ESRRG: variants seen among roughly 807,000 people sequenced by gnomAD.
ESRRG encodes estrogen-related receptor gamma.
In ESRRG, 13 loss-of-function variants were observed where a neutral mutation model predicts 44.0. The ratio of observed to expected loss-of-function variants is 0.30; its 90% confidence interval spans 0.19 to 0.47. ESRRG has a LOEUF of 0.47. ESRRG is among the 20% of genes least tolerant of loss of function. ESRRG has a pLI of 1.00. For synonymous variants in ESRRG, 215 were observed against 214.6 expected (o/e 1.00, Z -0.02); for missense variants, 395 against 580.6 (o/e 0.68, Z 3.29).
At chr1:216,929,463 C>T (rs1229081192) in intron 2 of ESRRG, among the ~76,000 whole-genome samples, 1 of 152,136 alleles carries the variant, frequency 6.6e-6, no homozygotes. Context: ...ATAATGAAGA[C>T]TTCACCCAGT....
At chr1:216,595,102 G>A (rs1049506512) in intron 3 of ESRRG, among the ~76,000 whole-genome samples, 5 of 152,168 alleles carry the variant, frequency 3.3e-5, no homozygotes, top group African/African-American at 1.2e-4. Context: ...TATGAAAGAG[G>A]ACAGGGACTT....
intron 1 of ESRRG, among the ~76,000 whole-genome samples, chr1:217,034,599 G>A (rs2082565555): frequency 6.6e-6 from 1 of 152,074 alleles, no homozygotes; most frequent in Non-Finnish European, 1.5e-5. Flanking sequence ...AAACCACTAG[G>A]GCAATCACTG....
intron 1 of ESRRG, among the ~76,000 whole-genome samples, chr1:217,022,592 G>T (rs1341966370): frequency 6.6e-6 from 1 of 152,164 alleles, no homozygotes; most frequent in Non-Finnish European, 1.5e-5. Flanking sequence ...CTGGAAGGCT[G>T]CAGCAACAGC....
At chr1:216,832,271 A>G (rs2095499114) in intron 2 of ESRRG, among the ~76,000 whole-genome samples, 1 of 152,224 alleles carries the variant, frequency 6.6e-6, no homozygotes. Context: ...CATTAGATGG[A>G]CAAAAGGACA....
chr1:217,134,179 G>T (rs998917723), intron 1 of ESRRG, among the ~76,000 whole-genome samples: 4 of 152,108 alleles, frequency 2.6e-5, no homozygotes, highest in Non-Finnish European at 5.9e-5. Flanking sequence ...AACAGACCGC[G>T]CTCCAGCCCC....
At chr1:217,077,415 A>G (rs1001262163) in intron 1 of ESRRG, among the ~76,000 whole-genome samples, 2 of 152,210 alleles carry the variant, frequency 1.3e-5, no homozygotes, top group African/African-American at 2.4e-5. Flanking sequence ...TAGAGTGTTC[A>G]GTCTGTGGTC....
intron 2 of ESRRG, among the ~76,000 whole-genome samples, chr1:216,878,252 A>G (rs1037944002): frequency 6.6e-6 from 1 of 152,102 alleles, no homozygotes; most frequent in African/African-American, 2.4e-5. Flanking sequence ...TACTTTGCCT[A>G]CCTTTTAAAC....
chr1:216,973,327 A>G (rs1484881487), intron 1 of ESRRG, among the ~76,000 whole-genome samples: 1 of 152,120 alleles, frequency 6.6e-6, no homozygotes, highest in Non-Finnish European at 1.5e-5. Flanking sequence ...TCCATGAGGA[A>G]CTTCAGCCCA....
In ESRRG at chr1:216,904,210, C is replaced by CA. The variant is rs567114297; in HGVS notation, c.-14+35371_-14+35372insT. Among the ~76,000 whole-genome samples the CA allele has an allele frequency of 1.6e-3, 241 of 151,704 alleles. 2 individuals are homozygous for CA. The highest frequency in any genetic ancestry group is 5.5e-3 in the African/African-American group (229 of 41,386). ...TACTGCAGCTGCAATCATCACCCCC[C>CA]CCAACTGATAATTAGTGAGTTAATA... On this transcript the variant is annotated intron_variant, in intron 2 of 7. Transcript: ENST00000359162.
chr1:216,800,591 C>T (rs988676612), intron 2 of ESRRG, among the ~76,000 whole-genome samples: 1 of 152,164 alleles, frequency 6.6e-6, no homozygotes, highest in Non-Finnish European at 1.5e-5. Flanking sequence ...ACATCATTTT[C>T]TCAAATTGAA....
intron 1 of ESRRG, among the ~76,000 whole-genome samples, chr1:216,963,562 A>C (rs1312678268): frequency 6.6e-6 from 1 of 152,188 alleles, no homozygotes; most frequent in African/African-American, 2.4e-5. Context: ...AGTTGAATGA[A>C]GACTTGTCTA....
intron 2 of ESRRG, among the ~76,000 whole-genome samples, chr1:216,667,458 G>A (rs1167515692): frequency 6.6e-6 from 1 of 151,972 alleles, no homozygotes; most frequent in African/African-American, 2.4e-5. Flanking sequence ...GACCAAGGCG[G>A]GTGGATCACC....
At chr1:216,680,729 G>A (rs551987755) in intron 1 of ESRRG, among the ~76,000 whole-genome samples, 5 of 152,278 alleles carry the variant, frequency 3.3e-5, no homozygotes, top group Admixed American at 6.5e-5. Flanking sequence ...AAACTACAGC[G>A]AGTCTTAATT....
In ESRRG at chr1:216,985,326, C is replaced by T. The variant is rs140023953; in HGVS notation, c.-105-45653G>A. On this transcript the variant is annotated intron_variant, in intron 1 of 7. Coordinates refer to the ESRRG transcript ENST00000359162. ...ATGTGCCTTTCCCAACCCACCTCCACGCACTGGAAGAGGTGAGCCATTACA... is the reference window on the plus strand; with the variant it reads ...ATGTGCCTTTCCCAACCCACCTCCATGCACTGGAAGAGGTGAGCCATTACA... Among the ~76,000 whole-genome samples the T allele has an allele frequency of 8.9e-4, 135 of 152,326 alleles. 1 individual carries two copies. Among genetic ancestry groups the T allele is most frequent in the South Asian group, 2.5e-3 (12 of 4,828 alleles).
At chr1:217,109,864 T>C (rs1036376553) in intron 1 of ESRRG, among the ~76,000 whole-genome samples, 22 of 152,182 alleles carry the variant, frequency 1.4e-4, no homozygotes, top group Non-Finnish European at 4.4e-5. Context: ...CATATTTAGC[T>C]CTGGTGTTAG....
At chr1:216,925,452 A>G (rs1461209853) in intron 2 of ESRRG, among the ~76,000 whole-genome samples, 1 of 152,086 alleles carries the variant, frequency 6.6e-6, no homozygotes, top group Non-Finnish European at 1.5e-5. Context: ...CAACAACAAC[A>G]ATAACAATGA....
Position 216,829,549 on chromosome 1 carries a change from G to GT in ESRRG, c.-14+110032dup, listed in dbSNP as rs66515526. Among the ~76,000 whole-genome samples, 388 of 135,638 alleles carry GT rather than the reference G, an allele frequency of 2.9e-3. 1 individual carries two copies. The highest frequency in any genetic ancestry group is 3.8e-3 in the Non-Finnish European group (238 of 63,068). 89.0% of individuals were successfully genotyped at this position (135,638 alleles called of 152,430 possible). A position where few individuals can be genotyped will look rare whatever the true frequency, so the allele number is the denominator to read the frequency against. On this transcript the variant is annotated intron_variant, in intron 2 of 7. Transcript: ENST00000359162. ...GACCTGCCTCACTCCAAATGCCACAGTTTTTTTTTTTTTTTTCTTTTTTGA... is the reference window on the plus strand; with the variant it reads ...GACCTGCCTCACTCCAAATGCCACAGTTTTTTTTTTTTTTTTTCTTTTTTGA...
At chr1:216,691,138 T>C (rs999592262) in intron 1 of ESRRG, among the ~76,000 whole-genome samples, 1 of 152,180 alleles carries the variant, frequency 6.6e-6, no homozygotes, top group African/African-American at 2.4e-5. Context: ...TTAAACATTT[T>C]CTTGGTTTCC....
chr1:216,853,402 A>G (rs11117709), intron 2 of ESRRG, among the ~76,000 whole-genome samples: 5 of 142,708 alleles, frequency 3.5e-5, no homozygotes, highest in Admixed American at 2.0e-4. Flanking sequence ...GAGAAATCAT[A>G]AAGTCCAAAT....
Sources: gnomAD v4.1 joint callset for allele counts (sites outside exome capture counted in the v4.1 genomes callset) on GRCh38, gnomAD v4.1.1 for gene constraint, MANE v1.5 for transcripts, NCBI Gene and HGNC (gene_info 2026-07-23, HGNC 2026-07-21) for gene names.